Variants in CNST observed in about 807,000 individuals in gnomAD.
CNST encodes consortin, connexin sorting protein.
Under a neutral mutation model 72.4 loss-of-function variants are expected in CNST, and 39 were observed. The ratio of observed to expected loss-of-function variants is 0.54; its 90% CI spans 0.42 to 0.70. The LOEUF is 0.70. Among genes scored for constraint, CNST ranks in the 30% least tolerant of loss-of-function variants. The pLI, the probability that CNST is intolerant of heterozygous loss-of-function variation, is 0.00. For missense variants in CNST, 871 were observed against 868.5 expected (o/e 1.00, Z -0.04); for synonymous variants, 332 against 320.1 (o/e 1.04, Z -0.40).
At chr1:246,573,708 G>A (rs1660203934) in intron 1 of CNST, among the ~76,000 whole-genome samples, 1 of 152,194 alleles carries the variant, frequency 6.6e-6, no homozygotes, top group Admixed American at 6.5e-5. Flanking sequence ...TCTGCTCCAG[G>A]AACACTTATC....
chr1:246,585,336 T>C (rs954701738), intron 1 of CNST, among the ~76,000 whole-genome samples: 2 of 152,148 alleles, frequency 1.3e-5, no homozygotes, highest in Admixed American at 6.5e-5. Context: ...AGCTTTCTTA[T>C]GTTTGTTTTT....
intron 2 of CNST, among the ~76,000 whole-genome samples, chr1:246,608,884 G>A (rs1663110011): frequency 6.6e-6 from 1 of 152,222 alleles, no homozygotes. Flanking sequence ...TCGCCATGTT[G>A]TATGCCTAGT....
In CNST at chr1:246,631,893, G is replaced by A; in HGVS notation, c.586-1G>A. ...CTCTGTGTTTTCTTTGTTTTTAACA[G>A]ATAGCAGAATCCTATTTCCAGGAGG... On this transcript the variant is annotated splice_acceptor_variant, in intron 3 of 10. Coordinates refer to ENST00000366513, the MANE Select transcript of CNST (RefSeq NM_152609.3). LOFTEE classifies it high-confidence loss of function. 6.5e-7 allele frequency: 1 copy of A among 1,540,912 alleles called. No homozygotes were observed. Among genetic ancestry groups the A allele is most frequent in the Non-Finnish European group, 8.9e-7 (1 of 1,123,292 alleles).
At chr1:246,605,190 C>G (rs540523061) in intron 2 of CNST, among the ~76,000 whole-genome samples, 5 of 152,166 alleles carry the variant, frequency 3.3e-5, no homozygotes, top group Admixed American at 3.3e-4. Context: ...TTAGCAAAGT[C>G]AGTGTACTTC....
intron 2 of CNST, chr1:246,606,037 T>C (rs1306399047): frequency 6.6e-6 from 1 of 152,136 alleles, no homozygotes; most frequent in African/African-American, 2.4e-5. Context: ...GGGGCGACTT[T>C]CTCCATAACT....
intron 2 of CNST, among the ~76,000 whole-genome samples, chr1:246,609,020 C>T (rs986337625): frequency 6.6e-6 from 1 of 152,220 alleles, no homozygotes; most frequent in African/African-American, 2.4e-5. Flanking sequence ...AGCCTAAGCT[C>T]TTCAGTGAAG....
chr1:246,587,414 A>G (rs1255433251), intron 1 of CNST, among the ~76,000 whole-genome samples: 4 of 152,272 alleles, frequency 2.6e-5, no homozygotes, highest in Non-Finnish European at 5.9e-5. Context: ...TGAGTAAAGT[A>G]TAAGACAGTT....
In CNST at chr1:246,591,575, G is replaced by A. The variant is rs762580787; in HGVS notation, c.13G>A (p.Asp5Asn). Residue 5 changes from aspartate to asparagine, a missense_variant, in exon 2 of 11, where the codon GAT (aspartate) becomes AAT (asparagine). Asp to Asn is a conservative substitution (Grantham distance 23). Coordinates refer to ENST00000366513, the MANE Select transcript of CNST (RefSeq NM_152609.3). MDDSDTPTYYLQIEP... is the reference protein window; with the variant it reads MDDSNTPTYYLQIEP... The stretch of plus-strand genomic sequence containing the variant: ...AAAGGATGCTCTAATGGATGACAGC[G>A]ATACTCCTACATATTATCTGCAAAT... 5.6e-6 allele frequency: 9 copies of A among 1,613,912 alleles called. No homozygotes were observed. The highest frequency in any genetic ancestry group is 3.3e-5 in the South Asian group (3 of 91,072).
Position 246,666,779 on chromosome 1 carries a change from T to C in CNST, c.*874T>C, listed in dbSNP as rs1164576119. 1 of 152,250 alleles carries C rather than the reference T, an allele frequency of 6.6e-6. No individual in the cohort carries two copies. The highest frequency in any genetic ancestry group is 1.5e-5 in the Non-Finnish European group (1 of 68,040). 9.4% of individuals were successfully genotyped at this position (152,250 alleles called of 1,614,324 possible). On this transcript the variant is annotated 3_prime_UTR_variant, in exon 11 of 11. Transcript: ENST00000366513. Reference sequence around the variant, plus strand: ...GTTTGGCAAACGCTTACACCTATTATGTTCTGAGATTCTGAGAACCAGAAT... The same window carrying C: ...GTTTGGCAAACGCTTACACCTATTACGTTCTGAGATTCTGAGAACCAGAAT...
At chr1:246,570,330 A>G (rs1044034638) in intron 1 of CNST, among the ~76,000 whole-genome samples, 1 of 152,210 alleles carries the variant, frequency 6.6e-6, no homozygotes, top group African/African-American at 2.4e-5. Context: ...CATGGGGATC[A>G]GTCAGACCCA....
rs1490180602 is a variant in CNST at position 246,623,893 on chromosome 1, C to T, written c.585+2259C>T. The stretch of plus-strand genomic sequence containing the variant: ...CCTAGGCAACATCATGAAACCTTGT[C>T]TCTACAAAAAAAAAAAAAATGTAGC... On this transcript the variant is annotated intron_variant, in intron 3 of 10. Coordinates refer to ENST00000366513, the MANE Select transcript of CNST (RefSeq NM_152609.3). 2.3e-4 allele frequency among the ~76,000 whole-genome samples: 18 copies of T among 76,980 alleles called. No individual in the cohort carries two copies. The Admixed American group carries it at 2.4e-3, about 10-fold the overall frequency. 50.5% of individuals were successfully genotyped at this position (76,980 alleles called of 152,430 possible).
At chr1:246,585,612 T>C (rs985565404) in intron 1 of CNST, among the ~76,000 whole-genome samples, 11 of 139,068 alleles carry the variant, frequency 7.9e-5, no homozygotes, top group South Asian at 2.3e-4. Flanking sequence ...CACCACTGCC[T>C]TCCAGCCTGG....
chr1:246,625,413 T>G (rs1181041999), intron 3 of CNST, among the ~76,000 whole-genome samples: 2 of 125,778 alleles, frequency 1.6e-5, no homozygotes, highest in African/African-American at 6.0e-5. Context: ...ATTATTTCTT[T>G]CTTTTTTTTT....
chr1:246,644,246 G>A (rs1356665617), intron 8 of CNST, among the ~76,000 whole-genome samples: 6 of 152,100 alleles, frequency 3.9e-5, no homozygotes, highest in East Asian at 1.9e-4. Flanking sequence ...AAAATTAGCC[G>A]GGCGTGGTGG....
At chr1:246,603,422 T>C (rs1449835214) in intron 2 of CNST, among the ~76,000 whole-genome samples, 1 of 152,212 alleles carries the variant, frequency 6.6e-6, no homozygotes, top group Non-Finnish European at 1.5e-5. Context: ...AGTGACTGTT[T>C]TGTCTTCATT....
At chr1:246,636,036 T>G (rs944847854) in intron 6 of CNST, among the ~76,000 whole-genome samples, 2 of 152,222 alleles carry the variant, frequency 1.3e-5, no homozygotes, top group African/African-American at 4.8e-5. Flanking sequence ...CAGTCCATCG[T>G]CAGCTGGTGT....
In CNST at chr1:246,616,335, G is replaced by A. The variant is rs947692485; in HGVS notation, c.380-5094G>A. 3.3e-5 allele frequency among the ~76,000 whole-genome samples: 5 copies of A among 152,176 alleles called. No homozygotes were observed. In the South Asian group the frequency reaches 1.0e-3, roughly 32 times the overall value. ...AGGCCAAGATGGGAGGACCAGTTGA[G>A]GCCAGAAGTTGAAGACAAGCCTGGG... On this transcript the variant is annotated intron_variant, in intron 2 of 10. Coordinates refer to ENST00000366513, the MANE Select transcript of CNST (RefSeq NM_152609.3).
chr1:246,584,482 C>G (rs933444276), intron 1 of CNST, among the ~76,000 whole-genome samples: 26 of 152,024 alleles, frequency 1.7e-4, no homozygotes. Flanking sequence ...CTGAAGAAAC[C>G]TGGTCTTTCC....
chr1:246,595,590 G>A (rs975701780), intron 2 of CNST, among the ~76,000 whole-genome samples: 2 of 152,134 alleles, frequency 1.3e-5, no homozygotes, highest in African/African-American at 4.8e-5. Context: ...AGTAAATAAA[G>A]TTTCAAATTT....
Sources: gnomAD v4.1 joint callset for allele counts (sites outside exome capture counted in the v4.1 genomes callset) on GRCh38, gnomAD v4.1.1 for gene constraint, MANE v1.5 for transcripts, NCBI Gene and HGNC (gene_info 2026-07-23, HGNC 2026-07-21) for gene names.